DNAJB8: variants seen among roughly 807,000 people sequenced by gnomAD.
The protein encoded by DNAJB8 is DnaJ heat shock protein family (Hsp40) member B8, also known as dnaJ homolog subfamily B member 8.
For missense variants in DNAJB8, 354 were observed against 318.9 expected, an observed-to-expected ratio of 1.11 and a Z score of -0.84; for synonymous variants, 127 against 127.1, an observed-to-expected ratio of 1.00 and a Z score of 0.00.
rs757171782 is a variant in DNAJB8 at position 128,463,011 on chromosome 3, C to A, written c.235G>T (p.Ala79Ser). ...AAGGGGCTGTGGTAGGGCGTGCTGGCCCCGCCACCAGCCCGCCAGCTGTCA... is the reference window on the plus strand; with the variant it reads ...AAGGGGCTGTGGTAGGGCGTGCTGGACCCGCCACCAGCCCGCCAGCTGTCA... ...GCDSWRAGGGASTPYHSPFDT... is the reference protein window; with the variant it reads ...GCDSWRAGGGSSTPYHSPFDT... The change falls in exon 3 of 3, where the codon GCC (alanine) becomes TCC (serine). Residue 79 changes from alanine (A) to serine (S), a missense_variant. Transcript: ENST00000319153. 2.5e-6 allele frequency: 4 copies of A among 1,614,120 alleles called. No homozygotes were observed. The Admixed American group carries it at 5.0e-5, about 20-fold the overall frequency.
rs2068492724 is a variant in DNAJB8 at position 128,464,003 on chromosome 3, G to C, written c.-758C>G. 1 of 167,090 alleles carries C rather than the reference G, an allele frequency of 6.0e-6. No individual in the cohort carries two copies. Among genetic ancestry groups the C allele is most frequent in the African/African-American group, 2.4e-5 (1 of 41,444 alleles). The allele number at this position is 167,090 out of a possible 1,614,324, so 10.4% of individuals were successfully genotyped here. On this transcript the variant is annotated 5_prime_UTR_variant, in exon 3 of 3. Coordinates refer to ENST00000319153, the MANE Select transcript of DNAJB8 (RefSeq NM_153330.6). ...TAAACTCTTGGATGAACCAGGCTCA[G>C]AGACACACAGTGCTCAAGGTCACAC...
In DNAJB8 at chr3:128,463,510, T is replaced by C. The variant is rs1203611624; in HGVS notation, c.-265A>G. 3 of 369,538 alleles carry C rather than the reference T, an allele frequency of 8.1e-6. No homozygotes were observed. The highest frequency in any genetic ancestry group is 1.5e-5 in the Non-Finnish European group (3 of 196,508). The allele number at this position is 369,538 out of a possible 1,614,324, so 22.9% of individuals were successfully genotyped here. A position where few individuals can be genotyped will look rare whatever the true frequency, so the allele number is the denominator to read the frequency against. On this transcript the variant is annotated 5_prime_UTR_variant, in exon 3 of 3. Transcript: ENST00000319153. ...GCTGTGGGGCCAGGCCAGAGTGGGCTGCCCTCCAGAGCTCCTTTTATGACG... is the reference window on the plus strand; with the variant it reads ...GCTGTGGGGCCAGGCCAGAGTGGGCCGCCCTCCAGAGCTCCTTTTATGACG...
Position 128,463,188 on chromosome 3 carries a change from T to G in DNAJB8, c.58A>C (p.Lys20Gln). 1 of 1,614,174 alleles carries G rather than the reference T, an allele frequency of 6.2e-7. No homozygotes were observed. Among genetic ancestry groups the G allele is most frequent in the Non-Finnish European group, 8.5e-7 (1 of 1,180,014 alleles). Residue 20 changes from lysine (K) to glutamine (Q), a missense_variant, in exon 3 of 3, where the codon AAG (lysine) becomes CAG (glutamine). Coordinates refer to ENST00000319153, the MANE Select transcript of DNAJB8 (RefSeq NM_153330.6). ...VQASASPEDI[K>Q]KAYRKLALRW... ...AGGGCCAGCTTGCGGTAGGCTTTCTTGATGTCCTCCGGGGAAGCGCTGGCC... is the reference window on the plus strand; with the variant it reads ...AGGGCCAGCTTGCGGTAGGCTTTCTGGATGTCCTCCGGGGAAGCGCTGGCC...
Position 128,462,517 on chromosome 3 carries a change from G to A in DNAJB8, c.*30C>T. Reference sequence around the variant, plus strand: ...TTGCTGCCCCATGCACGGTGGTGGTGGTGGGAAGGCAGGGCCGGGTGGCCA... The same window carrying A: ...TTGCTGCCCCATGCACGGTGGTGGTAGTGGGAAGGCAGGGCCGGGTGGCCA... On this transcript the variant is annotated 3_prime_UTR_variant, in exon 3 of 3. Transcript: ENST00000319153. The A allele has an allele frequency of 1.3e-6, 2 of 1,575,974 alleles. No homozygotes were observed. The highest frequency in any genetic ancestry group is 2.4e-5 in the South Asian group (2 of 84,506).
At position 128,463,175 on chromosome 3, in the gene DNAJB8, C is replaced by T. The variant is rs140964428; in HGVS notation, c.71G>A (p.Arg24His). Residue 24 changes from arginine (R) to histidine (H), a missense_variant, in exon 3 of 3, where the codon CGC becomes CAC. Physicochemically the swap from Arg to His is conservative, Grantham distance 29. Transcript: ENST00000319153. ...GGGGTGCCAACGAAGGGCCAGCTTG[C>T]GGTAGGCTTTCTTGATGTCCTCCGG... is the stretch of plus-strand genomic sequence containing the variant. ...ASPEDIKKAYRKLALRWHPDK... is the reference protein window; with the variant it reads ...ASPEDIKKAYHKLALRWHPDK... 222 of 1,614,068 alleles carry T rather than the reference C, an allele frequency of 1.4e-4. No individual in the cohort carries two copies. Among genetic ancestry groups the T allele is most frequent in the Non-Finnish European group, 1.7e-4 (205 of 1,180,038 alleles).
chr3:128,466,370 G>A (rs1361462419), intron 1 of DNAJB8: 1 of 152,680 alleles, frequency 6.5e-6, no homozygotes, highest in Admixed American at 6.5e-5. Context: ...GCTCTGCTGG[G>A]AGCAGTGTTG....
At chr3:128,464,548 A>C (rs1183735839) in intron 2 of DNAJB8, among the ~76,000 whole-genome samples, 1 of 152,228 alleles carries the variant, frequency 6.6e-6, no homozygotes, top group Non-Finnish European at 1.5e-5. Context: ...AAATATTCTT[A>C]GGCATTTATA....
chr3:128,463,411 T>C lies in DNAJB8; in HGVS notation c.-166A>G. 1.6e-6 allele frequency: 1 copy of C among 606,096 alleles called. No individual in the cohort carries two copies. Among genetic ancestry groups the C allele is most frequent in the Non-Finnish European group, 2.9e-6 (1 of 343,530 alleles). 37.5% of individuals were successfully genotyped at this position (606,096 alleles called of 1,614,324 possible). Reference sequence around the variant, plus strand: ...GCAAGATTCTGCCCAGGAGTTCACCTTTTCGTAGTACCAATTCTCAGGGAC... The same window carrying C: ...GCAAGATTCTGCCCAGGAGTTCACCCTTTCGTAGTACCAATTCTCAGGGAC... On this transcript the variant is annotated 5_prime_UTR_variant, in exon 3 of 3. Coordinates refer to ENST00000319153, the MANE Select transcript of DNAJB8 (RefSeq NM_153330.6).
rs768380102 is a variant in DNAJB8 at position 128,462,806 on chromosome 3, G to A, written c.440C>T (p.Ala147Val). Residue 147 changes from alanine (A) to valine (V), a missense_variant, in exon 3 of 3, where the codon GCC becomes GTC. Transcript: ENST00000319153. ...GCCCAGCATGTTGAAGGATGAGAAG[G>A]CCTCCATGAAGGCCGGAAATTCTCC... The part of the protein sequence containing the change: ...GFGEFPAFME[A>V]FSSFNMLGCS... 4 of 1,614,002 alleles carry A rather than the reference G, an allele frequency of 2.5e-6. No individual in the cohort carries two copies. Among genetic ancestry groups the A allele is most frequent in the Admixed American group, 3.3e-5 (2 of 60,002 alleles).
At chr3:128,464,781 C>CTCCCTCCT (rs1222857813) in intron 2 of DNAJB8, among the ~76,000 whole-genome samples, 3 of 110,932 alleles carry the variant, frequency 2.7e-5, no homozygotes, top group African/African-American at 1.0e-4. Context: ...CCCTTCCTCC[C>CTCCCTCCT]TCCCTCCTTC....
Position 128,462,805 on chromosome 3 carries a change from G to T in DNAJB8, c.441C>A (p.Ala147=). The change falls in exon 3 of 3, where the codon GCC becomes GCA. Residue 147 remains alanine (A), a synonymous_variant. Transcript: ENST00000319153. ...AGCCCAGCATGTTGAAGGATGAGAA[G>T]GCCTCCATGAAGGCCGGAAATTCTC... ...GFGEFPAFME[A]FSSFNMLGCS... is the part of the protein sequence containing the mutation. The T allele has an allele frequency of 1.2e-6, 2 of 1,614,138 alleles. No individual in the cohort carries two copies. Among genetic ancestry groups the T allele is most frequent in the Non-Finnish European group, 1.7e-6 (2 of 1,180,024 alleles).
At chr3:128,466,129 T>G (rs1453347901) in intron 1 of DNAJB8, 2 of 152,210 alleles carry the variant, frequency 1.3e-5, no homozygotes, top group Admixed American at 1.3e-4. Flanking sequence ...CAGCAGGAAC[T>G]TGGGCTGCCT....
chr3:128,464,674 C>T (rs1053439479), intron 2 of DNAJB8, among the ~76,000 whole-genome samples: 2 of 152,148 alleles, frequency 1.3e-5, no homozygotes, highest in Non-Finnish European at 2.9e-5. Context: ...CAAAACCATG[C>T]TAAACCACCT....
In DNAJB8 at chr3:128,463,365, G is replaced by A. The variant is rs1257892275; in HGVS notation, c.-120C>T. 11 of 811,306 alleles carry A rather than the reference G, an allele frequency of 1.4e-5. No individual in the cohort carries two copies. In the East Asian group the frequency reaches 2.6e-4, roughly 19 times the overall value. 50.3% of individuals were successfully genotyped at this position (811,306 alleles called of 1,614,324 possible). A position where few individuals can be genotyped will look rare whatever the true frequency, so the allele number is the denominator to read the frequency against. ...TCTGGGGCCCTTCAGCAGGGGCCTG[G>A]CTGGACTCCGCAAGCTCTAGGCAAG... On this transcript the variant is annotated 5_prime_UTR_variant, in exon 3 of 3. Coordinates refer to ENST00000319153, the MANE Select transcript of DNAJB8 (RefSeq NM_153330.6).
At position 128,463,374 on chromosome 3, in the gene DNAJB8, C is replaced by A; in HGVS notation, c.-129G>T. On this transcript the variant is annotated 5_prime_UTR_variant, in exon 3 of 3. Transcript: ENST00000319153. ...CTTCAGCAGGGGCCTGGCTGGACTCCGCAAGCTCTAGGCAAGATTCTGCCC... is the reference window on the plus strand; with the variant it reads ...CTTCAGCAGGGGCCTGGCTGGACTCAGCAAGCTCTAGGCAAGATTCTGCCC... The A allele has an allele frequency of 1.3e-6, 1 of 770,608 alleles. No homozygotes were observed. The highest frequency in any genetic ancestry group is 2.1e-6 in the Non-Finnish European group (1 of 472,914). 47.7% of individuals were successfully genotyped at this position (770,608 alleles called of 1,614,324 possible). A position where few individuals can be genotyped will look rare whatever the true frequency, so the allele number is the denominator to read the frequency against.
Position 128,462,613 on chromosome 3 carries a change from T to C in DNAJB8, c.633A>G (p.Glu211=). ...ENGQERVEVE[E]DGQLKSVTVN... is the part of the protein sequence containing the mutation. The stretch of plus-strand genomic sequence containing the variant: ...CAGTCACCGACTTGAGCTGCCCGTC[T>C]TCCTCCACCTCCACGCGCTCCTGCC... Residue 211 remains glutamate, a synonymous_variant, in exon 3 of 3, where the codon GAA becomes GAG. Coordinates refer to ENST00000319153, the MANE Select transcript of DNAJB8 (RefSeq NM_153330.6). The C allele has an allele frequency of 6.2e-7, 1 of 1,613,864 alleles. No individual in the cohort carries two copies.
Position 128,462,875 on chromosome 3 carries a change from C to T in DNAJB8, c.371G>A (p.Gly124Asp), listed in dbSNP as rs1460704544. The stretch of plus-strand genomic sequence containing the variant: ...CCCCCTCAGGCCATGGCCCCGGCCA[C>T]CACGGTCACTATTGAATGGGCTGTC... ...FWDSPFNSDR[G>D]GRGHGLRGAF... The change falls in exon 3 of 3, where the codon GGT becomes GAT. Residue 124 changes from glycine to aspartate, a missense_variant. Gly to Asp is a moderately conservative substitution (Grantham distance 94, BLOSUM62 -1). Transcript: ENST00000319153. The T allele has an allele frequency of 3.7e-6, 6 of 1,614,106 alleles. No homozygotes were observed. Among genetic ancestry groups the T allele is most frequent in the Non-Finnish European group, 4.2e-6 (5 of 1,180,046 alleles).
At position 128,463,498 on chromosome 3, in the gene DNAJB8, G is replaced by T. The variant is rs1481392195; in HGVS notation, c.-253C>A. 9.9e-6 allele frequency: 4 copies of T among 405,534 alleles called. 1 individual carries two copies. The Admixed American group carries it at 1.2e-4, about 12-fold the overall frequency. 25.1% of individuals were successfully genotyped at this position (405,534 alleles called of 1,614,324 possible). On this transcript the variant is annotated 5_prime_UTR_variant, in exon 3 of 3. Coordinates refer to ENST00000319153, the MANE Select transcript of DNAJB8 (RefSeq NM_153330.6). ...AGGGACACTGCCGCTGTGGGGCCAGGCCAGAGTGGGCTGCCCTCCAGAGCT... is the reference window on the plus strand; with the variant it reads ...AGGGACACTGCCGCTGTGGGGCCAGTCCAGAGTGGGCTGCCCTCCAGAGCT...
Position 128,462,501 on chromosome 3 carries a change from C to T in DNAJB8, c.*46G>A. ...CTGCGGCCCCACGTGTTTGCTGCCC[C>T]ATGCACGGTGGTGGTGGTGGGAAGG... On this transcript the variant is annotated 3_prime_UTR_variant, in exon 3 of 3. Coordinates refer to ENST00000319153, the MANE Select transcript of DNAJB8 (RefSeq NM_153330.6). 1 of 1,560,920 alleles carries T rather than the reference C, an allele frequency of 6.4e-7. No homozygotes were observed. The highest frequency in any genetic ancestry group is 8.7e-7 in the Non-Finnish European group (1 of 1,149,222).
Sources: allele counts gnomAD v4.1 joint callset (sites outside exome capture counted in the v4.1 genomes callset), GRCh38; gene constraint gnomAD v4.1.1; transcripts MANE v1.5; gene names NCBI Gene and HGNC (gene_info 2026-07-23, HGNC 2026-07-21).